Variants in CNKSR3 observed in about 807,000 individuals in gnomAD.
The protein encoded by CNKSR3 is CNKSR family member 3, also known as connector enhancer of kinase suppressor of ras 3.
A neutral mutation model predicts 67.7 loss-of-function variants in CNKSR3; 36 were observed. The ratio of observed to expected loss-of-function variants is 0.53; its 90% CI spans 0.41 to 0.70. The LOEUF (loss-of-function observed/expected upper bound fraction) is 0.70, where lower values mean the gene tolerates loss of function less well. Ranked by LOEUF, CNKSR3 falls within the 30% of genes least tolerant of loss-of-function variation. CNKSR3 has a pLI of 0.00. For synonymous variants in CNKSR3, 281 were observed against 271.4 expected, an observed-to-expected ratio of 1.04 and a Z score of -0.35; for missense variants, 630 against 695.2, an observed-to-expected ratio of 0.91 and a Z score of 1.05.
intron 12 of CNKSR3, among the ~76,000 whole-genome samples, chr6:154,407,099 T>A (rs1784812192): frequency 6.6e-6 from 1 of 152,178 alleles, no homozygotes; most frequent in Non-Finnish European, 1.5e-5. Flanking sequence ...GTCCCACCTG[T>A]GGCTGGGCCC....
rs1554231297 is a variant in CNKSR3, at chr6:154,415,116, A to AAAAAC, written c.946-694_946-693insGTTTT. Among the ~76,000 whole-genome samples the AAAAAC allele has an allele frequency of 9.1e-3, 1,300 of 143,020 alleles. 3 individuals carry two copies. The highest frequency in any genetic ancestry group is 0.028 in the African/African-American group (1,014 of 36,058). 93.8% of individuals were successfully genotyped at this position (143,020 alleles called of 152,430 possible). On this transcript the variant is annotated intron_variant, in intron 9 of 12. Transcript: ENST00000607772. ...CTGTCTCAAAAAAAAAAAAAAAAAA[A>AAAAAC]AAAAAACAAGAAAGAAAAGAAAAGA...
chr6:154,501,720 T>C (rs1216657325), intron 1 of CNKSR3, among the ~76,000 whole-genome samples: 1 of 152,236 alleles, frequency 6.6e-6, no homozygotes, highest in African/African-American at 2.4e-5. Flanking sequence ...CTTTATTTTC[T>C]GATTTATGCT....
intron 1 of CNKSR3, among the ~76,000 whole-genome samples, chr6:154,462,077 T>A (rs1297845517): frequency 1.3e-5 from 2 of 152,222 alleles, no homozygotes; most frequent in Non-Finnish European, 2.9e-5. Context: ...AGCAGCTTTA[T>A]TGAGACATAA....
chr6:154,423,168 TTATC>T (rs1363118527), intron 7 of CNKSR3, among the ~76,000 whole-genome samples, 185 bp from the exon 8 acceptor site: 3 of 152,378 alleles, frequency 2.0e-5, no homozygotes, highest in African/African-American at 7.2e-5. Flanking sequence ...GAATCCTGTG[TTATC>T]TATCTTATTA....
At chr6:154,448,538 C>T (rs994903372) in intron 2 of CNKSR3, among the ~76,000 whole-genome samples, 2 of 151,624 alleles carry the variant, frequency 1.3e-5, no homozygotes, top group Non-Finnish European at 2.9e-5. Flanking sequence ...CTAAGGTGAG[C>T]GTTACTGTAC....
chr6:154,432,634 G>A (rs1785392804), intron 5 of CNKSR3, among the ~76,000 whole-genome samples: 1 of 152,146 alleles, frequency 6.6e-6, no homozygotes, highest in African/African-American at 2.4e-5. Context: ...CTTTTAGATG[G>A]TTTATAGTTT....
chr6:154,503,784 G>A (rs1243029255), intron 1 of CNKSR3, among the ~76,000 whole-genome samples: 1 of 152,132 alleles, frequency 6.6e-6, no homozygotes, highest in South Asian at 2.1e-4. Flanking sequence ...CGTAAGACTG[G>A]TTTTTTACTT....
chr6:154,497,396 C>T (rs1462850168), intron 1 of CNKSR3, among the ~76,000 whole-genome samples: 4 of 151,594 alleles, frequency 2.6e-5, no homozygotes, highest in Non-Finnish European at 5.9e-5. Flanking sequence ...GTCTCAAAAA[C>T]GAGAGAAAGA....
intron 4 of CNKSR3, among the ~76,000 whole-genome samples, chr6:154,436,186 A>G (rs954726628): frequency 2.6e-5 from 4 of 152,154 alleles, no homozygotes; most frequent in African/African-American, 9.7e-5. Flanking sequence ...CTTCTCGTGT[A>G]TGTGACACAG....
rs566927553 is a variant in CNKSR3 at position 154,403,898 on chromosome 6, C to T, written c.*2456G>A. 2.8e-4 allele frequency: 43 copies of T among 152,318 alleles called. No individual in the cohort carries two copies. Among genetic ancestry groups the T allele is most frequent in the African/African-American group, 1.0e-3 (42 of 41,562 alleles). The allele number at this position is 152,318 out of a possible 1,614,324, so 9.4% of individuals were successfully genotyped here. On this transcript the variant is annotated 3_prime_UTR_variant, in exon 13 of 13. Transcript: ENST00000607772. ...AGCTAAGGCCTCCAGAGTGATTTAA[C>T]TCATCATCCAGTGGAACTACAGCTC...
intron 1 of CNKSR3, 91 bp downstream of exon 1, chr6:154,509,972 G>A (rs1787181148): frequency 7.0e-6 from 10 of 1,421,228 alleles, no homozygotes; most frequent in South Asian, 3.4e-5. Context: ...GCTTCTCGCC[G>A]GGAGGAAGGG....
chr6:154,503,184 A>G (rs900926656), intron 1 of CNKSR3, among the ~76,000 whole-genome samples: 9 of 152,192 alleles, frequency 5.9e-5, no homozygotes, highest in Non-Finnish European at 5.9e-5. Flanking sequence ...GTGGTCACCA[A>G]CTATAGGATA....
chr6:154,489,422 T>C (rs148910606), intron 1 of CNKSR3, among the ~76,000 whole-genome samples: 1,937 of 152,166 alleles, frequency 0.013, 41 homozygotes, highest in African/African-American at 0.041. Flanking sequence ...TCCCAGCTAC[T>C]TGGGAGGCTG....
At chr6:154,439,779 C>G (rs945438110) in intron 4 of CNKSR3, among the ~76,000 whole-genome samples, 1 of 152,156 alleles carries the variant, frequency 6.6e-6, no homozygotes, top group Non-Finnish European at 1.5e-5. Flanking sequence ...GCAGTCCCAG[C>G]TATCCAGGAG....
At chr6:154,496,462 G>A (rs948248481) in intron 1 of CNKSR3, among the ~76,000 whole-genome samples, 1 of 142,298 alleles carries the variant, frequency 7.0e-6, no homozygotes, top group Non-Finnish European at 1.6e-5. Context: ...CTGAGTACAG[G>A]AGAAGCACCA....
chr6:154,411,007 C>T lies in CNKSR3; in HGVS notation c.1206G>A (p.Ser402=), dbSNP rs375858594. The T allele has an allele frequency of 5.0e-6, 8 of 1,613,928 alleles. No individual in the cohort carries two copies. The highest frequency in any genetic ancestry group is 2.2e-5 in the East Asian group (1 of 44,880). ...CCACCGAGTACCCAGGCAACTGATC[C>T]GAGTCTGCAATGGTGAATCTTCGTC... ...SRRRRFTIAD[S]DQLPGYSVET... is the part of the protein sequence containing the mutation. Residue 402 remains serine, a synonymous_variant, in exon 11 of 13, where the codon TCG becomes TCA. Transcript: ENST00000607772.
chr6:154,438,226 A>G (rs1378285342), intron 4 of CNKSR3, among the ~76,000 whole-genome samples: 1 of 152,096 alleles, frequency 6.6e-6, no homozygotes, highest in African/African-American at 2.4e-5. Context: ...TATAAATAAA[A>G]TTTTTTGTTC....
chr6:154,489,495 C>T (rs1192425123), intron 1 of CNKSR3, among the ~76,000 whole-genome samples: 1 of 152,082 alleles, frequency 6.6e-6, no homozygotes, highest in African/African-American at 2.4e-5. Context: ...CCCACCACCG[C>T]ACTCCAGCCT....
intron 9 of CNKSR3, among the ~76,000 whole-genome samples, 175 bp downstream of exon 9, chr6:154,422,331 T>C (rs1785163114): frequency 1.3e-5 from 2 of 152,234 alleles, no homozygotes; most frequent in Non-Finnish European, 2.9e-5. Context: ...GGCTACTATA[T>C]ATACTGTTCC....
Sources: allele counts gnomAD v4.1 joint callset (sites outside exome capture counted in the v4.1 genomes callset), GRCh38; gene constraint gnomAD v4.1.1; transcripts MANE v1.5; gene names NCBI Gene and HGNC (gene_info 2026-07-23, HGNC 2026-07-21).